STXBP6: variants seen among roughly 807,000 people sequenced by gnomAD.
The protein encoded by STXBP6 is syntaxin binding protein 6.
STXBP6 carries 21 observed loss-of-function variants against 26.9 expected under a neutral mutation model. The observed-to-expected ratio is 0.78, with a 90% CI of 0.55 to 1.12. The LOEUF is 1.12. STXBP6 is among the 50% of genes most tolerant of loss of function. STXBP6 has a pLI of 0.00. For synonymous variants in STXBP6, 97 were observed against 92.6 expected, an observed-to-expected ratio of 1.05 and a Z score of -0.27; for missense variants, 232 against 257.9, an observed-to-expected ratio of 0.90 and a Z score of 0.69.
intron 2 of STXBP6, among the ~76,000 whole-genome samples, chr14:24,974,026 A>G (rs969660986): frequency 6.6e-6 from 1 of 152,182 alleles, no homozygotes; most frequent in Non-Finnish European, 1.5e-5. Context: ...AAATTTATCC[A>G]GATTTTATCT....
intron 4 of STXBP6, among the ~76,000 whole-genome samples, chr14:24,822,890 C>T (rs541528878): frequency 7.2e-5 from 11 of 152,202 alleles, no homozygotes; most frequent in Admixed American, 4.6e-4. Flanking sequence ...TATTAAATCA[C>T]GACATGTTTT....
intron 2 of STXBP6, among the ~76,000 whole-genome samples, chr14:24,903,477 G>T (rs2071283758): frequency 6.6e-6 from 1 of 152,122 alleles, no homozygotes; most frequent in Non-Finnish European, 1.5e-5. Flanking sequence ...CTTAAGAACA[G>T]TGTTCATCTT....
At chr14:24,846,585 T>C (rs910394477) in intron 4 of STXBP6, among the ~76,000 whole-genome samples, 9 of 152,138 alleles carry the variant, frequency 5.9e-5, no homozygotes, top group African/African-American at 2.2e-4. Flanking sequence ...TCCAGCAAAA[T>C]TTGAATTCCA....
intron 5 of STXBP6, chr14:24,818,045 C>T (rs886926199): frequency 8.8e-6 from 4 of 456,696 alleles, no homozygotes; most frequent in Non-Finnish European, 1.3e-5. Flanking sequence ...GGTTATCCAT[C>T]CTTGTTTCCT....
At chr14:24,994,652 C>A (rs1354603390) in intron 1 of STXBP6, among the ~76,000 whole-genome samples, 1 of 152,190 alleles carries the variant, frequency 6.6e-6, no homozygotes, top group Non-Finnish European at 1.5e-5. Context: ...TTGCCCAATA[C>A]TCCCCCATGA....
chr14:24,924,993 T>C (rs1358584224), intron 2 of STXBP6, among the ~76,000 whole-genome samples: 4 of 152,220 alleles, frequency 2.6e-5, no homozygotes, highest in Admixed American at 2.6e-4. Context: ...CAAGATACTC[T>C]TCTACCCACA....
Position 24,991,711 on chromosome 14 carries a change from T to C in STXBP6, c.-32-16861A>G, listed in dbSNP as rs577162244. Among the ~76,000 whole-genome samples the C allele has an allele frequency of 3.3e-5, 5 of 152,344 alleles. 1 individual carries two copies. Among genetic ancestry groups the C allele is most frequent in the Middle Eastern group, 3.4e-3 (1 of 294 alleles). On this transcript the variant is annotated intron_variant, in intron 1 of 5. Coordinates refer to ENST00000323944, the MANE Select transcript of STXBP6 (RefSeq NM_001394410.1). ...TTCAAACCACACTAAATATGTCATC[T>C]AACAAAAGAAAGAAAAGGAAAGAAT...
chr14:24,863,074 T>A (rs1011819763), intron 2 of STXBP6, among the ~76,000 whole-genome samples: 6 of 152,170 alleles, frequency 3.9e-5, no homozygotes, highest in African/African-American at 1.4e-4. Context: ...TGTAAAAATA[T>A]GTAGATTTTT....
chr14:24,864,898 T>TA (rs1035195340), intron 2 of STXBP6, among the ~76,000 whole-genome samples: 34 of 151,788 alleles, frequency 2.2e-4, no homozygotes, highest in Non-Finnish European at 4.1e-4. Flanking sequence ...ACTGAAGTTC[T>TA]AAAAAAAAGT....
At chr14:24,818,222 C>T (rs138748646) in intron 5 of STXBP6, 4,697 of 439,734 alleles carry the variant, frequency 0.011, 44 homozygotes, top group South Asian at 0.02. Context: ...AAAAAAACTG[C>T]CCTTTGATCT....
At chr14:25,035,322 A>T (rs1442962769) in intron 1 of STXBP6, among the ~76,000 whole-genome samples, 1 of 152,096 alleles carries the variant, frequency 6.6e-6, no homozygotes, top group Non-Finnish European at 1.5e-5. Flanking sequence ...AGCTACACCC[A>T]CTCAAAAAAT....
chr14:24,928,267 A>C (rs982765887), intron 2 of STXBP6, among the ~76,000 whole-genome samples: 1 of 152,152 alleles, frequency 6.6e-6, no homozygotes, highest in Non-Finnish European at 1.5e-5. Context: ...ACCATGGAAA[A>C]AACTGAAAAG....
chr14:24,963,725 A>AAC (rs2073628096), intron 2 of STXBP6, among the ~76,000 whole-genome samples: 1 of 152,212 alleles, frequency 6.6e-6, no homozygotes, highest in Admixed American at 6.5e-5. Flanking sequence ...CTTCAAGAGA[A>AAC]ACACTCAGGT....
chr14:25,043,387 T>C (rs529405420), intron 1 of STXBP6, among the ~76,000 whole-genome samples: 1 of 151,966 alleles, frequency 6.6e-6, no homozygotes, highest in Admixed American at 6.6e-5. Flanking sequence ...TCATTTTTTT[T>C]TAAAAAAACA....
intron 4 of STXBP6, among the ~76,000 whole-genome samples, chr14:24,846,492 C>T (rs1377759397): frequency 1.3e-5 from 2 of 152,078 alleles, no homozygotes; most frequent in South Asian, 2.1e-4. Context: ...ATACCATAAA[C>T]GTTCTTTGTT....
chr14:25,031,734 T>G (rs1051271075), intron 1 of STXBP6, among the ~76,000 whole-genome samples: 11 of 149,930 alleles, frequency 7.3e-5, no homozygotes, highest in African/African-American at 1.7e-4. Flanking sequence ...TTTTTTTTTT[T>G]GCTCAGTTCT....
chr14:24,964,014 A>G (rs1334569034), intron 2 of STXBP6, among the ~76,000 whole-genome samples: 1 of 148,538 alleles, frequency 6.7e-6, no homozygotes, highest in Non-Finnish European at 1.5e-5. Flanking sequence ...AGTACCAGCC[A>G]CTATAATCCA....
At chr14:24,943,199 C>T (rs367728620) in intron 2 of STXBP6, among the ~76,000 whole-genome samples, 4 of 152,168 alleles carry the variant, frequency 2.6e-5, no homozygotes, top group East Asian at 3.9e-4. Context: ...GCCAATGAAA[C>T]GCACTTGGAA....
chr14:24,885,356 A>G (rs2070539920), intron 2 of STXBP6, among the ~76,000 whole-genome samples: 1 of 152,168 alleles, frequency 6.6e-6, no homozygotes, highest in East Asian at 1.9e-4. Context: ...TTCTAAGAAG[A>G]AGGTCTATTT....
Sources: gnomAD v4.1 joint callset for allele counts (sites outside exome capture counted in the v4.1 genomes callset) on GRCh38, gnomAD v4.1.1 for gene constraint, MANE v1.5 for transcripts, NCBI Gene and HGNC (gene_info 2026-07-23, HGNC 2026-07-21) for gene names.